DAB1: variants seen among roughly 807,000 people sequenced by gnomAD.
The protein encoded by DAB1 is disabled homolog 1.
DAB1 carries 15 observed loss-of-function variants against 64.6 expected under a neutral mutation model. That is an observed-to-expected ratio of 0.23 (90% confidence interval 0.16 to 0.36). DAB1 has a LOEUF of 0.36. Among genes scored for constraint, DAB1 ranks in the 10% least tolerant of loss-of-function variants. DAB1 has a pLI of 1.00. For missense variants in DAB1, 596 were observed against 706.7 expected (o/e 0.84, Z 1.78); for synonymous variants, 235 against 251.9 (o/e 0.93, Z 0.64).
intron 4 of DAB1, among the ~76,000 whole-genome samples, chr1:58,288,974 A>G (rs1399477914): frequency 6.6e-6 from 1 of 152,204 alleles, no homozygotes; most frequent in African/African-American, 2.4e-5. Flanking sequence ...TGTCAGTCCC[A>G]GTCTGACACC....
chr1:57,110,891 A>G (rs1570711875), intron 4 of DAB1, among the ~76,000 whole-genome samples: 2 of 152,266 alleles, frequency 1.3e-5, no homozygotes, highest in East Asian at 3.9e-4. Flanking sequence ...TCAGAAAGTT[A>G]AGACTCAAAC....
rs796243505 is a variant in DAB1, at chr1:57,668,489, C to T, written n.552-18824G>A. 2.4e-4 allele frequency among the ~76,000 whole-genome samples: 37 copies of T among 152,124 alleles called. 2 individuals are homozygous for T. The highest frequency in any genetic ancestry group is 8.3e-4 in the South Asian group (4 of 4,808). On this transcript the variant is annotated intron_variant and non_coding_transcript_variant, in intron 6 of 20. Coordinates refer to the DAB1 transcript ENST00000485760. ...TCCTTATCTATGATTTGAAGGAAGG[C>T]ATAATTTCGAAATGTGTTTGAGCTA...
intron 6 of DAB1, among the ~76,000 whole-genome samples, chr1:57,738,800 T>C (rs937246153): frequency 6.6e-6 from 1 of 152,218 alleles, no homozygotes; most frequent in Non-Finnish European, 1.5e-5. Context: ...ACTATATCAA[T>C]AACGGGAGGC....
chr1:57,290,705 A>C (rs894015584), intron 2 of DAB1, among the ~76,000 whole-genome samples: 1 of 152,164 alleles, frequency 6.6e-6, no homozygotes, highest in Non-Finnish European at 1.5e-5. Context: ...ACTATTTAAA[A>C]ATATATGTGA....
At chr1:57,608,293 A>G (rs1645682012) in intron 7 of DAB1, among the ~76,000 whole-genome samples, 1 of 152,176 alleles carries the variant, frequency 6.6e-6, no homozygotes, top group Non-Finnish European at 1.5e-5. Flanking sequence ...CTGAAAAGTA[A>G]GATCACCTCC....
chr1:58,175,511 T>C (rs1320705224), intron 4 of DAB1, among the ~76,000 whole-genome samples: 1 of 152,224 alleles, frequency 6.6e-6, no homozygotes, highest in African/African-American at 2.4e-5. Context: ...TTTTTGATAA[T>C]AGCCATTCTG....
intron 1 of DAB1, among the ~76,000 whole-genome samples, chr1:57,368,316 C>T (rs1386695518): frequency 6.6e-6 from 1 of 152,214 alleles, no homozygotes; most frequent in Non-Finnish European, 1.5e-5. Flanking sequence ...GGGCAGGTCC[C>T]TGGTGAGGCC....
intron 7 of DAB1, among the ~76,000 whole-genome samples, chr1:57,441,775 A>G (rs538046359): frequency 6.6e-6 from 1 of 152,300 alleles, no homozygotes; most frequent in African/African-American, 2.4e-5. Flanking sequence ...TTTTTGGTAG[A>G]ACAATTTATT....
intron 1 of DAB1, among the ~76,000 whole-genome samples, chr1:57,422,065 A>G (rs1684954897): frequency 6.6e-6 from 1 of 152,146 alleles, no homozygotes; most frequent in Admixed American, 6.5e-5. Flanking sequence ...TTGTAATTTT[A>G]TGGATTTCCC....
intron 5 of DAB1, among the ~76,000 whole-genome samples, chr1:58,112,308 C>T (rs1016058041): frequency 6.6e-6 from 1 of 152,186 alleles, no homozygotes; most frequent in African/African-American, 2.4e-5. Flanking sequence ...GAGCAATGAC[C>T]TTGTTTGCCT....
At chr1:58,418,306 C>T (rs1314159060) in intron 3 of DAB1, among the ~76,000 whole-genome samples, 1 of 152,134 alleles carries the variant, frequency 6.6e-6, no homozygotes. Flanking sequence ...CATGATCTCT[C>T]TTGTTAAAAT....
intron 4 of DAB1, among the ~76,000 whole-genome samples, chr1:58,309,529 C>G (rs981208204): frequency 1.3e-5 from 2 of 152,156 alleles, no homozygotes; most frequent in African/African-American, 4.8e-5. Flanking sequence ...AAAGCTCAAA[C>G]AGACTCAGTA....
chr1:57,629,685 A>G (rs1261115111), intron 7 of DAB1, among the ~76,000 whole-genome samples: 1 of 151,764 alleles, frequency 6.6e-6, no homozygotes, highest in Non-Finnish European at 1.5e-5. Context: ...AATCTTTCAC[A>G]ATGCTGCCTA....
chr1:57,706,295 T>C (rs187920865), intron 6 of DAB1, among the ~76,000 whole-genome samples: 10 of 151,992 alleles, frequency 6.6e-5, no homozygotes, highest in Admixed American at 1.3e-4. Flanking sequence ...CCTCCATCCT[T>C]TCCTTCCTTT....
chr1:58,238,421 A>G (rs1660145775), intron 4 of DAB1, among the ~76,000 whole-genome samples: 1 of 152,210 alleles, frequency 6.6e-6, no homozygotes, highest in Non-Finnish European at 1.5e-5. Context: ...GACATGGGAG[A>G]GCAGGGCATA....
At chr1:57,312,915 C>T (rs182311350) in intron 1 of DAB1, among the ~76,000 whole-genome samples, 28 of 152,164 alleles carry the variant, frequency 1.8e-4, no homozygotes, top group African/African-American at 5.3e-4. Flanking sequence ...CAGAGAGGGA[C>T]GCTTTTGCTG....
At chr1:57,991,586 G>A (rs964653505) in intron 5 of DAB1, among the ~76,000 whole-genome samples, 1 of 152,076 alleles carries the variant, frequency 6.6e-6, no homozygotes, top group Non-Finnish European at 1.5e-5. Flanking sequence ...GATGGTTGAT[G>A]CCTGTAATCC....
intron 7 of DAB1, among the ~76,000 whole-genome samples, chr1:57,439,418 G>GTTTTTTTTGTTTGTTTTTTTTTGT: frequency 8.6e-6 from 1 of 116,172 alleles, no homozygotes; most frequent in South Asian, 3.2e-4. Flanking sequence ...TGGTGATGAG[G>GTTTTTTTTGTTTGTTTTTTTTTGT]TTTTTTCTTT....
intron 3 of DAB1, chr1:58,480,815 C>G (rs1645466602): frequency 5.7e-6 from 3 of 522,710 alleles, no homozygotes; most frequent in Non-Finnish European, 9.7e-6. Flanking sequence ...AAAATAAATT[C>G]TAGAAGAATT....
Sources: allele counts gnomAD v4.1 joint callset (sites outside exome capture counted in the v4.1 genomes callset), GRCh38; gene constraint gnomAD v4.1.1; transcripts MANE v1.5; gene names NCBI Gene and HGNC (gene_info 2026-07-23, HGNC 2026-07-21).